Variants in RARB observed in about 807,000 individuals in gnomAD.
RARB encodes HBV-activated protein.
RARB carries 17 observed loss-of-function variants against 51.9 expected under a neutral mutation model. The observed-to-expected ratio is 0.33, with a 90% CI of 0.22 to 0.49. RARB has a LOEUF of 0.49. Ranked by LOEUF, RARB falls within the 20% of genes least tolerant of loss-of-function variation. The probability of loss-of-function intolerance (pLI) is 0.99; values close to 1 mark genes in which losing one functional copy is unlikely to be tolerated. For missense variants in RARB, 369 were observed against 550.8 expected (o/e 0.67, Z 3.30); for synonymous variants, 215 against 195.4 (o/e 1.10, Z -0.84).
chr3:25,109,773 C>G (rs1699569397), intron 3 of RARB, among the ~76,000 whole-genome samples: 1 of 152,122 alleles, frequency 6.6e-6, no homozygotes, highest in Non-Finnish European at 1.5e-5. Context: ...CAGGCAGCAG[C>G]AGTTTGTTTC....
intron 5 of RARB, among the ~76,000 whole-genome samples, chr3:25,268,417 G>C (rs1371270165): frequency 6.6e-6 from 1 of 151,022 alleles, no homozygotes; most frequent in Non-Finnish European, 1.5e-5. Context: ...AAGATGCCAT[G>C]TGGCCTACAA....
intron 5 of RARB, among the ~76,000 whole-genome samples, chr3:25,214,633 G>A (rs1227257294): frequency 2.0e-5 from 3 of 152,168 alleles, no homozygotes; most frequent in African/African-American, 7.2e-5. Context: ...AAATGCCCCT[G>A]AAGGGACTTC....
At chr3:25,132,116 C>G (rs1480294565) in intron 3 of RARB, among the ~76,000 whole-genome samples, 1 of 151,846 alleles carries the variant, frequency 6.6e-6, no homozygotes, top group Non-Finnish European at 1.5e-5. Flanking sequence ...GTGAAAAGAA[C>G]CTAAGCGATG....
chr3:24,993,903 C>A (rs1290612342), intron 2 of RARB, among the ~76,000 whole-genome samples: 2 of 152,008 alleles, frequency 1.3e-5, no homozygotes, highest in Non-Finnish European at 2.9e-5. Context: ...ATCCATTAAC[C>A]TGTTATTGGA....
intron 4 of RARB, among the ~76,000 whole-genome samples, chr3:25,169,362 A>C (rs1329224523): frequency 6.6e-6 from 1 of 152,226 alleles, no homozygotes; most frequent in South Asian, 2.1e-4. Flanking sequence ...AATGTCTCCA[A>C]CTGTGGAATT....
At chr3:25,332,883 C>T (rs1419980513) in intron 5 of RARB, among the ~76,000 whole-genome samples, 1 of 152,110 alleles carries the variant, frequency 6.6e-6, no homozygotes, top group African/African-American at 2.4e-5. Flanking sequence ...ACACCAATAA[C>T]AAACAAACAG....
At chr3:25,236,548 T>C (rs1180568050) in intron 5 of RARB, among the ~76,000 whole-genome samples, 1 of 152,096 alleles carries the variant, frequency 6.6e-6, no homozygotes, top group Non-Finnish European at 1.5e-5. Flanking sequence ...ACATGGGATC[T>C]AGTGAAGGAT....
intron 5 of RARB, among the ~76,000 whole-genome samples, chr3:25,191,692 C>G (rs975815821): frequency 5.3e-5 from 8 of 152,086 alleles, no homozygotes; most frequent in African/African-American, 1.9e-4. Flanking sequence ...TCTCTTCCAT[C>G]TATGCAAGGA....
At chr3:25,292,728 C>A (rs1355749349) in intron 5 of RARB, among the ~76,000 whole-genome samples, 3 of 152,130 alleles carry the variant, frequency 2.0e-5, no homozygotes, top group African/African-American at 7.2e-5. Context: ...GGTCAGCTGT[C>A]CCCACTGGCA....
intron 5 of RARB, among the ~76,000 whole-genome samples, chr3:25,210,529 C>CTTTTGTTTTTTTTTTTTTTTT (rs1701666981): frequency 3.6e-5 from 1 of 27,618 alleles, no homozygotes; most frequent in Non-Finnish European, 8.7e-5. Flanking sequence ...TTATCTGATT[C>CTTTTGTTTTTTTTTTTTTTTT]TTTTTTTTTT....
At chr3:25,436,899 C>T (rs1287569825) in intron 1 of RARB, among the ~76,000 whole-genome samples, 1 of 152,170 alleles carries the variant, frequency 6.6e-6, no homozygotes, top group African/African-American at 2.4e-5. Context: ...GCCTGATGGT[C>T]CAAGATAATG....
In RARB at chr3:25,428,387, G is replaced by A. The variant is rs1029400412; in HGVS notation, c.-345G>A. 2 of 1,257,120 alleles carry A rather than the reference G, an allele frequency of 1.6e-6. No homozygotes were observed. The highest frequency in any genetic ancestry group is 3.0e-5 in the East Asian group (1 of 33,032). The allele number at this position is 1,257,120 out of a possible 1,614,324, so 77.9% of individuals were successfully genotyped here. A position where few individuals can be genotyped will look rare whatever the true frequency, so the allele number is the denominator to read the frequency against. On this transcript the variant is annotated 5_prime_UTR_variant, in exon 1 of 8. Coordinates refer to ENST00000330688, the MANE Select transcript of RARB (RefSeq NM_000965.5). The stretch of plus-strand genomic sequence containing the variant: ...GGGATGCCGAGAACGCGAGCGATCC[G>A]AGCAGGGTTTGTCTGGGCACCGTCG...
chr3:25,092,773 T>A (rs1394206594), intron 3 of RARB, among the ~76,000 whole-genome samples: 1 of 152,162 alleles, frequency 6.6e-6, no homozygotes, highest in African/African-American at 2.4e-5. Flanking sequence ...TTCCACTGAA[T>A]GGATTCCCAG....
chr3:25,206,229 G>A (rs1701542329), intron 5 of RARB, among the ~76,000 whole-genome samples: 1 of 152,130 alleles, frequency 6.6e-6, no homozygotes, highest in African/African-American at 2.4e-5. Flanking sequence ...GGTTCTGGTT[G>A]CCCATGCAGT....
chr3:24,863,849 C>T (rs1294885352), intron 2 of RARB, among the ~76,000 whole-genome samples: 1 of 151,988 alleles, frequency 6.6e-6, no homozygotes, highest in African/African-American at 2.4e-5. Flanking sequence ...TTCTTGCCCA[C>T]CCAGAAACTT....
chr3:25,206,953 T>G (rs1701564529), intron 5 of RARB, among the ~76,000 whole-genome samples: 2 of 152,320 alleles, frequency 1.3e-5, no homozygotes, highest in South Asian at 4.1e-4. Flanking sequence ...ACAGTGAATT[T>G]TATGAAAGTG....
chr3:25,000,504 T>G (rs568499863), intron 2 of RARB, among the ~76,000 whole-genome samples: 116 of 152,172 alleles, frequency 7.6e-4, no homozygotes, highest in African/African-American at 2.7e-3. Flanking sequence ...AAGTCTTAAC[T>G]ACTTCTTTGA....
chr3:25,171,297 A>G (rs1056087322), intron 4 of RARB, among the ~76,000 whole-genome samples: 1 of 152,016 alleles, frequency 6.6e-6, no homozygotes, highest in Non-Finnish European at 1.5e-5. Context: ...GAGCACTGCT[A>G]ATCTTTTTTT....
intron 5 of RARB, among the ~76,000 whole-genome samples, chr3:25,367,895 G>A (rs1210127252): frequency 6.6e-6 from 1 of 151,952 alleles, no homozygotes; most frequent in Non-Finnish European, 1.5e-5. Flanking sequence ...TCAAGGGGGA[G>A]TATCGAAGTA....
Sources: gnomAD v4.1 joint callset for allele counts (sites outside exome capture counted in the v4.1 genomes callset) on GRCh38, gnomAD v4.1.1 for gene constraint, MANE v1.5 for transcripts, NCBI Gene and HGNC (gene_info 2026-07-23, HGNC 2026-07-21) for gene names.